CLASP1: variants seen among roughly 807,000 people sequenced by gnomAD.
The protein encoded by CLASP1 is CLIP-associating protein 1.
In CLASP1, 38 loss-of-function variants were observed where a neutral mutation model predicts 192.3. That is an observed-to-expected ratio of 0.20 (90% CI 0.15 to 0.26). CLASP1 has a LOEUF of 0.26. Ranked by LOEUF, CLASP1 falls within the 10% of genes least tolerant of loss-of-function variation. The probability of loss-of-function intolerance (pLI) is 1.00; values close to 1 mark genes in which losing one functional copy is unlikely to be tolerated. For missense variants in CLASP1, 1,433 were observed against 1,932.5 expected (o/e 0.74, Z 4.85); for synonymous variants, 691 against 712.8 (o/e 0.97, Z 0.49).
chr2:121,571,524 T>C (rs1031281703), intron 2 of CLASP1, among the ~76,000 whole-genome samples: 2 of 152,124 alleles, frequency 1.3e-5, no homozygotes, highest in African/African-American at 4.8e-5. Flanking sequence ...ATATCAATAT[T>C]ATAGTTGAAA....
exon 24 of CLASP1, chr2:121,410,882 G>A: frequency 4.4e-6 from 7 of 1,608,158 alleles, no homozygotes; most frequent in Non-Finnish European, 5.9e-6. Flanking sequence ...ATCAGCAACA[G>A]CAGCTTCAAG....
intron 30 of CLASP1, among the ~76,000 whole-genome samples, chr2:121,389,692 CT>C (rs1279417419): frequency 5.3e-5 from 8 of 152,054 alleles, no homozygotes; most frequent in Non-Finnish European, 1.2e-4. Flanking sequence ...GTGCCACTGC[CT>C]TTATTTAAGA....
At chr2:121,434,867 A>G (rs1036233154) in intron 19 of CLASP1, among the ~76,000 whole-genome samples, 1 of 152,136 alleles carries the variant, frequency 6.6e-6, no homozygotes, top group African/African-American at 2.4e-5. Context: ...GCACGCCTGC[A>G]ATCCTCTTTT....
chr2:121,375,332 C>T (rs533706492), intron 34 of CLASP1, among the ~76,000 whole-genome samples: 4 of 151,322 alleles, frequency 2.6e-5, no homozygotes, highest in Non-Finnish European at 4.4e-5. Context: ...TCAACTAAAC[C>T]TCTTTTCTTA....
intron 2 of CLASP1, among the ~76,000 whole-genome samples, chr2:121,531,731 G>C (rs920208708): frequency 2.6e-5 from 4 of 152,074 alleles, no homozygotes; most frequent in Non-Finnish European, 5.9e-5. Flanking sequence ...AGCTGGGCGT[G>C]GCGGCGCATG....
chr2:121,360,601 G>GAA (rs61023548), intron 37 of CLASP1, among the ~76,000 whole-genome samples: 2 of 103,388 alleles, frequency 1.9e-5, no homozygotes, highest in African/African-American at 5.5e-5. Context: ...CAAGGGAAAA[G>GAA]AAAAAAAAAA....
intron 25 of CLASP1, among the ~76,000 whole-genome samples, chr2:121,406,676 C>G (rs1418465200): frequency 6.6e-6 from 1 of 152,092 alleles, no homozygotes; most frequent in African/African-American, 2.4e-5. Flanking sequence ...CTGCAATCTC[C>G]AACTCTGGGC....
At chr2:121,644,591 G>A (rs1484971846) in intron 1 of CLASP1, among the ~76,000 whole-genome samples, 3 of 152,142 alleles carry the variant, frequency 2.0e-5, no homozygotes, top group Admixed American at 2.0e-4. Flanking sequence ...GGAGATGGAG[G>A]CTGCAGTGAG....
At chr2:121,501,861 T>G (rs2093765402) in intron 8 of CLASP1, among the ~76,000 whole-genome samples, 1 of 152,172 alleles carries the variant, frequency 6.6e-6, no homozygotes, top group African/African-American at 2.4e-5. Flanking sequence ...GTAGTAATGA[T>G]GAGGAGAATT....
exon 38 of CLASP1, chr2:121,348,532 T>C: frequency 6.2e-7 from 1 of 1,611,266 alleles, no homozygotes; most frequent in Non-Finnish European, 8.5e-7. Context: ...CCTGGGATGA[T>C]GTCGACAAGG....
chr2:121,410,861 C>A lies in CLASP1; in HGVS notation c.2424+5G>T. ...GACTGTGTACATACATACTGTGCCT[C>A]TTACCAAAGCATCAGCAACAGCAGC... On this transcript the variant is annotated splice_donor_5th_base_variant and intron_variant, in intron 24 of 39. Coordinates refer to ENST00000263710, the Ensembl canonical transcript of CLASP1. 1 of 1,589,352 alleles carries A rather than the reference C, an allele frequency of 6.3e-7. No individual in the cohort carries two copies. The highest frequency in any genetic ancestry group is 1.1e-5 in the South Asian group (1 of 89,288).
intron 7 of CLASP1, among the ~76,000 whole-genome samples, chr2:121,509,491 T>G (rs1191484960): frequency 6.6e-6 from 1 of 152,064 alleles, no homozygotes; most frequent in African/African-American, 2.4e-5. Context: ...TCTTTTCAAG[T>G]GTACATGGAA....
chr2:121,589,009 G>T (rs1428340301), intron 2 of CLASP1, among the ~76,000 whole-genome samples: 1 of 152,144 alleles, frequency 6.6e-6, no homozygotes, highest in Non-Finnish European at 1.5e-5. Context: ...TCAGTCTTCT[G>T]ATAGTGGAGC....
exon 20 of CLASP1, chr2:121,430,128 G>A (rs565150677): frequency 1.9e-6 from 3 of 1,578,502 alleles, no homozygotes; most frequent in East Asian, 4.7e-5. Flanking sequence ...CAGGTGTAGA[G>A]GCGACGTTGG....
At chr2:121,453,860 G>A (rs1467789225) in intron 14 of CLASP1, among the ~76,000 whole-genome samples, 2 of 152,202 alleles carry the variant, frequency 1.3e-5, no homozygotes. Context: ...ATGTAGCTAA[G>A]AAGGTGCACT....
chr2:121,397,136 A>G lies in CLASP1; in HGVS notation c.3123+4T>C. ...TAATTACACGTCGGTTCTCTTGGAC[A>G]TACCTTTCTCACGTCTGAACTCTTT... On this transcript the variant is annotated splice_donor_region_variant and intron_variant, in intron 30 of 39. Transcript: ENST00000263710. 2 of 1,613,670 alleles carry G rather than the reference A, an allele frequency of 1.2e-6. No individual in the cohort carries two copies. Among genetic ancestry groups the G allele is most frequent in the Non-Finnish European group, 1.7e-6 (2 of 1,179,634 alleles).
chr2:121,375,851 C>T (rs1446646511), intron 34 of CLASP1, among the ~76,000 whole-genome samples: 1 of 152,132 alleles, frequency 6.6e-6, no homozygotes, highest in Non-Finnish European at 1.5e-5. Flanking sequence ...TTCAGGCTCA[C>T]TATTTTTATT....
intron 23 of CLASP1, among the ~76,000 whole-genome samples, chr2:121,415,923 C>CA (rs1222370884): frequency 6.6e-6 from 1 of 151,536 alleles, no homozygotes; most frequent in Non-Finnish European, 1.5e-5. Context: ...TACCAGCTTG[C>CA]AAAAAAAGGA....
At chr2:121,558,915 C>CTGAA (rs1442085243) in intron 2 of CLASP1, among the ~76,000 whole-genome samples, 1 of 152,230 alleles carries the variant, frequency 6.6e-6, no homozygotes, top group Non-Finnish European at 1.5e-5. Context: ...ACCTTGCAAA[C>CTGAA]TGAAGCTTTC....
Sources: allele counts gnomAD v4.1 joint callset (sites outside exome capture counted in the v4.1 genomes callset), GRCh38; gene constraint gnomAD v4.1.1; transcripts MANE v1.5; gene names NCBI Gene and HGNC (gene_info 2026-07-23, HGNC 2026-07-21).